Variants in PLCH1 observed in about 807,000 individuals in gnomAD.
The protein encoded by PLCH1 is 1-phosphatidylinositol 4,5-bisphosphate phosphodiesterase eta-1.
Under a neutral mutation model 126.7 loss-of-function variants are expected in PLCH1, and 60 were observed. The observed-to-expected ratio is 0.47, with a 90% CI of 0.38 to 0.59. The LOEUF (loss-of-function observed/expected upper bound fraction) is 0.59. Ranked by LOEUF, PLCH1 falls within the 20% of genes least tolerant of loss-of-function variation. The pLI is 0.00. For missense variants in PLCH1, 1,723 were observed against 2,040.0 expected, an observed-to-expected ratio of 0.84 and a Z score of 2.99; for synonymous variants, 719 against 734.9, an observed-to-expected ratio of 0.98 and a Z score of 0.35.
At chr3:155,673,870 T>G (rs374218213) in intron 2 of PLCH1, among the ~76,000 whole-genome samples, 1 of 152,194 alleles carries the variant, frequency 6.6e-6, no homozygotes, top group African/African-American at 2.4e-5. Context: ...TAGGTCAAAG[T>G]GTATTTACTG....
Position 155,642,005 on chromosome 3 carries a change from A to C in PLCH1, c.80-45627T>G, listed in dbSNP as rs548545480. Among the ~76,000 whole-genome samples, 3 of 152,328 alleles carry C rather than the reference A, an allele frequency of 2.0e-5. No individual in the cohort carries two copies. In the South Asian group the frequency reaches 6.2e-4, roughly 32 times the overall value. On this transcript the variant is annotated intron_variant, in intron 2 of 22. Transcript: ENST00000460012. ...TGTTCCCAGTTGTAAGAAATAGTGA[A>C]TGCATTAATATAATAATAAAAAAAG...
chr3:155,527,730 G>A (rs1261929689), intron 10 of PLCH1, among the ~76,000 whole-genome samples: 1 of 151,972 alleles, frequency 6.6e-6, no homozygotes. Context: ...GGCCAGCCTG[G>A]GCAACATGGT....
intron 22 of PLCH1, among the ~76,000 whole-genome samples, chr3:155,484,331 G>A (rs1411569850): frequency 6.6e-5 from 10 of 152,128 alleles, no homozygotes; most frequent in Non-Finnish European, 8.8e-5. Flanking sequence ...ACATTTTAAG[G>A]CACATGTTTT....
At chr3:155,506,394 C>A (rs1718719303) in intron 12 of PLCH1, among the ~76,000 whole-genome samples, 1 of 145,742 alleles carries the variant, frequency 6.9e-6, no homozygotes, top group South Asian at 2.2e-4. Flanking sequence ...GGTACATGTG[C>A]ACATTGTGCA....
chr3:155,643,924 CA>C (rs1400277408), intron 2 of PLCH1, among the ~76,000 whole-genome samples: 1 of 152,144 alleles, frequency 6.6e-6, no homozygotes, highest in Non-Finnish European at 1.5e-5. Context: ...CCCATCCAAC[CA>C]GTGGCAAGTT....
intron 10 of PLCH1, among the ~76,000 whole-genome samples, chr3:155,535,726 C>G (rs1421565550): frequency 6.6e-6 from 1 of 152,196 alleles, no homozygotes; most frequent in East Asian, 1.9e-4. Flanking sequence ...AAGACATAAT[C>G]TCTTGGGAGC....
rs1712344382 is a variant in PLCH1, at chr3:155,452,929, C to A, written c.2938+32427G>T. ...ACTGAAATATATTGCAAGTTGAACTCCCAGCCTCACAAGGTATCTACTATT... is the reference window on the plus strand; with the variant it reads ...ACTGAAATATATTGCAAGTTGAACTACCAGCCTCACAAGGTATCTACTATT... On this transcript the variant is annotated intron_variant, in intron 21 of 21. Transcript: ENST00000494598. Among the ~76,000 whole-genome samples the A allele has an allele frequency of 2.6e-5, 4 of 152,128 alleles. No homozygotes were observed. The South Asian group carries it at 8.3e-4, about 32-fold the overall frequency.
chr3:155,538,344 A>G (rs1426660469), intron 10 of PLCH1, among the ~76,000 whole-genome samples: 1 of 152,170 alleles, frequency 6.6e-6, no homozygotes, highest in African/African-American at 2.4e-5. Context: ...GGAACTAGAG[A>G]AACAAAAACA....
chr3:155,607,534 T>C (rs779966488), intron 2 of PLCH1, among the ~76,000 whole-genome samples: 10 of 152,002 alleles, frequency 6.6e-5, no homozygotes, highest in Non-Finnish European at 1.2e-4. Flanking sequence ...TCAACCTCCC[T>C]GGGCTCAGAT....
chr3:155,468,750 A>T (rs1713026602), intron 21 of PLCH1, among the ~76,000 whole-genome samples: 1 of 152,188 alleles, frequency 6.6e-6, no homozygotes, highest in Admixed American at 6.5e-5. Context: ...CACTTAACAA[A>T]GGAGCACCCA....
chr3:155,482,522 T>C lies in PLCH1; in HGVS notation c.3504A>G (p.Val1168=). ...LHSTAILQES[V]ISHLIDNVTL... The stretch of plus-strand genomic sequence containing the variant: ...TGACATTGTCAATAAGATGGGAAAT[T>C]ACACTCTCCTGCAGAATTGCAGTTG... The change falls in exon 23 of 23, where the codon GTA becomes GTG. Residue 1168 remains valine, a synonymous_variant. Coordinates refer to ENST00000460012, the MANE Select transcript of PLCH1 (RefSeq NM_014996.4). 6.2e-7 allele frequency: 1 copy of C among 1,614,176 alleles called. No individual in the cohort carries two copies. The highest frequency in any genetic ancestry group is 8.5e-7 in the Non-Finnish European group (1 of 1,180,032).
chr3:155,589,938 CA>C (rs924851386), intron 4 of PLCH1, among the ~76,000 whole-genome samples: 2 of 152,116 alleles, frequency 1.3e-5, no homozygotes, highest in African/African-American at 4.8e-5. Context: ...GACTTGAAGG[CA>C]AAAGAACATA....
intron 10 of PLCH1, among the ~76,000 whole-genome samples, chr3:155,534,665 C>G (rs1337082231): frequency 6.6e-6 from 1 of 152,018 alleles, no homozygotes; most frequent in African/African-American, 2.4e-5. Flanking sequence ...GTGTTCCCAC[C>G]CAAATATCAT....
chr3:155,557,895 A>G (rs1727045138), intron 8 of PLCH1, among the ~76,000 whole-genome samples: 1 of 152,162 alleles, frequency 6.6e-6, no homozygotes, highest in Non-Finnish European at 1.5e-5. Flanking sequence ...ACCGATTACA[A>G]CAGCAATGCA....
rs761515350 is a variant in PLCH1, at chr3:155,676,304, G to A, written c.79+27842C>T. 7.9e-6 allele frequency: 9 copies of A among 1,141,714 alleles called. No individual in the cohort carries two copies. The East Asian group carries it at 1.3e-4, about 16-fold the overall frequency. 70.7% of individuals were successfully genotyped at this position (1,141,714 alleles called of 1,614,324 possible). On this transcript the variant is annotated intron_variant, in intron 2 of 22. Coordinates refer to ENST00000460012, the MANE Select transcript of PLCH1 (RefSeq NM_014996.4). ...GTGAAAAGCACAGCCAGATAAGCAC[G>A]CTGGAAGCATCTGCTCGGGGCTGCC...
At chr3:155,655,878 T>C (rs957559529) in intron 2 of PLCH1, among the ~76,000 whole-genome samples, 2 of 152,088 alleles carry the variant, frequency 1.3e-5, no homozygotes, top group African/African-American at 4.8e-5. Flanking sequence ...AAATACATTT[T>C]AAAATGCAAA....
intron 5 of PLCH1, among the ~76,000 whole-genome samples, chr3:155,584,007 A>C (rs1386034048): frequency 3.3e-5 from 5 of 152,050 alleles, no homozygotes; most frequent in Non-Finnish European, 5.9e-5. Flanking sequence ...AACTTATAAA[A>C]TAACATTAGA....
intron 12 of PLCH1, among the ~76,000 whole-genome samples, chr3:155,511,613 G>A (rs1388568088): frequency 7.2e-6 from 1 of 139,354 alleles, no homozygotes; most frequent in Non-Finnish European, 1.5e-5. Context: ...AATACCCTGT[G>A]TGAGGTGTCA....
chr3:155,676,174 T>C, intron 2 of PLCH1: 1 of 1,337,936 alleles, frequency 7.5e-7, no homozygotes, highest in Non-Finnish European at 9.6e-7. Context: ...CCCCCAGAAC[T>C]TGGCTCATGC....
Sources: gnomAD v4.1 joint callset for allele counts (sites outside exome capture counted in the v4.1 genomes callset) on GRCh38, gnomAD v4.1.1 for gene constraint, MANE v1.5 for transcripts, NCBI Gene and HGNC (gene_info 2026-07-23, HGNC 2026-07-21) for gene names.